MAPK10: variants seen among roughly 807,000 people sequenced by gnomAD.
The protein encoded by MAPK10 is mitogen-activated protein kinase 10.
MAPK10 carries 25 observed loss-of-function variants against 59.3 expected under a neutral mutation model. That is an observed-to-expected ratio of 0.42 (90% CI 0.31 to 0.59). The LOEUF is 0.59. MAPK10 is among the 20% of genes least tolerant of loss of function. The probability of loss-of-function intolerance (pLI) is 0.15; values close to 1 mark genes in which losing one functional copy is unlikely to be tolerated. For missense variants in MAPK10, 351 were observed against 568.9 expected (o/e 0.62, Z 3.90); for synonymous variants, 190 against 200.5 (o/e 0.95, Z 0.44).
chr4:86,151,649 C>T (rs2066502159), intron 4 of MAPK10, among the ~76,000 whole-genome samples: 1 of 152,062 alleles, frequency 6.6e-6, no homozygotes, highest in Admixed American at 6.6e-5. Context: ...AAAGTTAATC[C>T]AGCAGGAGTG....
chr4:86,291,582 G>A (rs2095228890), intron 2 of MAPK10, among the ~76,000 whole-genome samples: 1 of 152,028 alleles, frequency 6.6e-6, no homozygotes, highest in Non-Finnish European at 1.5e-5. Flanking sequence ...TTCAAAATGA[G>A]ACATGGCAGT....
intron 1 of MAPK10, among the ~76,000 whole-genome samples, chr4:86,569,957 A>G (rs1761336995): frequency 6.6e-6 from 1 of 152,184 alleles, no homozygotes; most frequent in African/African-American, 2.4e-5. Flanking sequence ...CCAGAAAAAT[A>G]AAGTACTTAA....
At chr4:86,320,175 C>A (rs959545653) in intron 2 of MAPK10, among the ~76,000 whole-genome samples, 1 of 152,154 alleles carries the variant, frequency 6.6e-6, no homozygotes, top group African/African-American at 2.4e-5. Flanking sequence ...TTTTCACATC[C>A]GTAAAATGTA....
At chr4:86,587,697 A>G (rs1409473570) in intron 1 of MAPK10, among the ~76,000 whole-genome samples, 1 of 152,266 alleles carries the variant, frequency 6.6e-6, no homozygotes, top group Non-Finnish European at 1.5e-5. Context: ...AGATGAACAC[A>G]AGAAGCCAGC....
chr4:86,077,352 A>G (rs532671387), intron 9 of MAPK10, among the ~76,000 whole-genome samples: 3 of 152,150 alleles, frequency 2.0e-5, no homozygotes, highest in Non-Finnish European at 2.9e-5. Flanking sequence ...ACTTTCTAAA[A>G]CGATAATGCC....
At chr4:86,127,719 T>G (rs2060297468) in intron 4 of MAPK10, 1 of 152,044 alleles carries the variant, frequency 6.6e-6, no homozygotes, top group Admixed American at 6.6e-5. Flanking sequence ...AACAAATAGA[T>G]TTTGTTCTCT....
intron 1 of MAPK10, among the ~76,000 whole-genome samples, chr4:86,431,540 T>C (rs934695423): frequency 2.0e-5 from 3 of 152,178 alleles, no homozygotes; most frequent in African/African-American, 7.2e-5. Context: ...AATATAGAAA[T>C]AGTATTTAAT....
rs1421127566 is a variant in MAPK10 at position 86,171,635 on chromosome 4, C to T, written c.67-12168G>A. The stretch of plus-strand genomic sequence containing the variant: ...AAACCATAAAAACCCTAGGAGAAAA[C>T]CTAGGCATTACCATTCAGGACATAG... On this transcript the variant is annotated intron_variant, in intron 3 of 13. Transcript: ENST00000641462. 5.3e-5 allele frequency among the ~76,000 whole-genome samples: 8 copies of T among 152,250 alleles called. No individual in the cohort carries two copies. The East Asian group carries it at 1.5e-3, about 29-fold the overall frequency.
rs575022331 is a variant in MAPK10, at chr4:86,412,332, A to G, written c.-122+40698T>C. 2.0e-5 allele frequency among the ~76,000 whole-genome samples: 3 copies of G among 151,724 alleles called. No homozygotes were observed. In the South Asian group the frequency reaches 6.3e-4, roughly 32 times the overall value. ...ACTTTTCTCTCTGGCTGCCCTTTAC[A>G]TTTTTTCCTTCATTTCAACGTTGGT... On this transcript the variant is annotated intron_variant, in intron 1 of 13. Coordinates refer to the MAPK10 transcript ENST00000361569.
chr4:86,050,166 T>C (rs954044711), intron 11 of MAPK10, among the ~76,000 whole-genome samples: 3 of 152,236 alleles, frequency 2.0e-5, no homozygotes, highest in Middle Eastern at 3.4e-3. Context: ...TTGGTCCCAT[T>C]TGAGGCTTTT....
chr4:86,350,218 A>ATT (rs879348322), intron 2 of MAPK10, among the ~76,000 whole-genome samples: 2 of 134,050 alleles, frequency 1.5e-5, no homozygotes, highest in Admixed American at 7.5e-5. Flanking sequence ...TGTCCAGATA[A>ATT]TTTTTTTTTT....
intron 4 of MAPK10, among the ~76,000 whole-genome samples, chr4:86,139,162 C>T (rs1181604485): frequency 1.4e-5 from 2 of 142,960 alleles, no homozygotes; most frequent in East Asian, 4.1e-4. Flanking sequence ...TGACTTTCTT[C>T]ACAGAATTGG....
intron 10 of MAPK10, among the ~76,000 whole-genome samples, chr4:86,066,855 A>G (rs983962003): frequency 1.3e-5 from 2 of 151,912 alleles, no homozygotes; most frequent in South Asian, 2.1e-4. Flanking sequence ...GCTAAGAAAC[A>G]ATACTATTTT....
chr4:86,282,189 T>C (rs372034624), intron 2 of MAPK10, among the ~76,000 whole-genome samples: 3 of 152,150 alleles, frequency 2.0e-5, no homozygotes, highest in African/African-American at 7.2e-5. Context: ...TAGGCTAAGA[T>C]TTCATAAGAA....
intron 3 of MAPK10, among the ~76,000 whole-genome samples, chr4:86,186,404 C>A (rs146877555): frequency 2.0e-5 from 3 of 152,160 alleles, no homozygotes; most frequent in South Asian, 4.2e-4. Flanking sequence ...TCATTGCAGG[C>A]AACACATTTT....
At chr4:86,466,571 T>TA (rs1014122966) in intron 1 of MAPK10, among the ~76,000 whole-genome samples, 3 of 152,124 alleles carry the variant, frequency 2.0e-5, no homozygotes, top group Admixed American at 1.3e-4. Flanking sequence ...ATTGATTAAC[T>TA]AAAAAAATAA....
At chr4:86,465,707 T>C (rs949284155) in intron 1 of MAPK10, among the ~76,000 whole-genome samples, 1 of 152,290 alleles carries the variant, frequency 6.6e-6, no homozygotes, top group Non-Finnish European at 1.5e-5. Context: ...AACAGCCAAT[T>C]TGGATATCAT....
chr4:86,431,824 T>C lies in MAPK10; in HGVS notation c.-122+21206A>G, dbSNP rs115887389. Among the ~76,000 whole-genome samples, 740 of 152,270 alleles carry C rather than the reference T, an allele frequency of 4.9e-3. 2 individuals carry two copies. The highest frequency in any genetic ancestry group is 7.6e-3 in the Admixed American group (117 of 15,296). On this transcript the variant is annotated intron_variant, in intron 1 of 13. Coordinates refer to the MAPK10 transcript ENST00000361569. Reference sequence around the variant, plus strand: ...TCGCATTGAGCTTCATGCCTCTCCATGGGACCCGTGTTTAAAAAAATGGCA... The same window carrying C: ...TCGCATTGAGCTTCATGCCTCTCCACGGGACCCGTGTTTAAAAAAATGGCA...
intron 2 of MAPK10, among the ~76,000 whole-genome samples, chr4:86,298,703 C>G (rs1167445663): frequency 6.6e-6 from 1 of 152,188 alleles, no homozygotes; most frequent in South Asian, 2.1e-4. Flanking sequence ...TTCAGACAGT[C>G]AGTGGATATT....
Sources: gnomAD v4.1 joint callset for allele counts (sites outside exome capture counted in the v4.1 genomes callset) on GRCh38, gnomAD v4.1.1 for gene constraint, MANE v1.5 for transcripts, NCBI Gene and HGNC (gene_info 2026-07-23, HGNC 2026-07-21) for gene names.